TXK: variants seen among roughly 807,000 people sequenced by gnomAD.
TXK encodes TXK tyrosine kinase, also known as tyrosine-protein kinase TXK.
TXK carries 60 observed loss-of-function variants against 81.0 expected under a neutral mutation model. That is an observed-to-expected ratio of 0.74 (90% CI 0.60 to 0.92). The LOEUF is 0.92. Among genes scored for constraint, TXK ranks in the 40% least tolerant of loss-of-function variants. TXK has a pLI of 0.00. For missense variants in TXK, 581 were observed against 638.3 expected, an observed-to-expected ratio of 0.91 and a Z score of 0.97; for synonymous variants, 203 against 210.7, an observed-to-expected ratio of 0.96 and a Z score of 0.32.
intron 6 of TXK, among the ~76,000 whole-genome samples, chr4:48,102,232 G>GC (rs1415873712): frequency 6.6e-6 from 1 of 152,130 alleles, no homozygotes; most frequent in African/African-American, 2.4e-5. Flanking sequence ...ACCCGCCTCG[G>GC]CCTCCCGAAG....
At chr4:48,113,180 C>T in intron 3 of TXK, 27 bp downstream of exon 3, 4 of 1,559,114 alleles carry the variant, frequency 2.6e-6, no homozygotes, top group Non-Finnish European at 3.5e-6. Flanking sequence ...TCTCCATTCC[C>T]CTCTTGCCTG....
chr4:48,096,859 A>G (rs1197465161), intron 6 of TXK, among the ~76,000 whole-genome samples: 1 of 152,212 alleles, frequency 6.6e-6, no homozygotes, highest in Non-Finnish European at 1.5e-5. Flanking sequence ...AGCTCAAAGA[A>G]ATTCAAATAA....
Position 48,114,331 on chromosome 4 carries a change from C to T in TXK, c.71+17G>A. ...ATTAATTAATTTTCAAGAAATTGCC[C>T]TCGGAAGTAGACTTACCGCTTCTGC... On this transcript the variant is annotated intron_variant, in intron 2 of 14. Transcript: ENST00000264316. 6.2e-7 allele frequency: 1 copy of T among 1,613,514 alleles called. No homozygotes were observed. Among genetic ancestry groups the T allele is most frequent in the Non-Finnish European group, 8.5e-7 (1 of 1,179,606 alleles).
At chr4:48,132,193 C>A (rs548108486) in intron 1 of TXK, among the ~76,000 whole-genome samples, 1 of 152,166 alleles carries the variant, frequency 6.6e-6, no homozygotes, top group East Asian at 1.9e-4. Context: ...TTTAGCTGGT[C>A]TTTGATTGCT....
intron 1 of TXK, among the ~76,000 whole-genome samples, chr4:48,125,758 G>C (rs1198516219): frequency 6.6e-6 from 1 of 152,236 alleles, no homozygotes; most frequent in Non-Finnish European, 1.5e-5. Context: ...TAAGGAACTG[G>C]CTCAGGCAGT....
At chr4:48,122,908 CCTTGGGAGT>C (rs908962576) in intron 1 of TXK, among the ~76,000 whole-genome samples, 1 of 152,146 alleles carries the variant, frequency 6.6e-6, no homozygotes, top group Admixed American at 6.5e-5. Context: ...GAAGATAAGA[CCTTGGGAGT>C]CTATGTAGTA....
chr4:48,106,495 G>C (rs1304045299), intron 5 of TXK, among the ~76,000 whole-genome samples: 1 of 151,986 alleles, frequency 6.6e-6, no homozygotes, highest in Non-Finnish European at 1.5e-5. Context: ...AGGAGTTAGG[G>C]ACAGGAATCC....
Position 48,094,183 on chromosome 4 carries a change from T to G in TXK, c.603A>C (p.Lys201Asn). 6.2e-7 allele frequency: 1 copy of G among 1,613,734 alleles called. No homozygotes were observed. The highest frequency in any genetic ancestry group is 1.1e-5 in the South Asian group (1 of 91,056). ...GARRSTEAAI[K>N]HYQIKKNDSG... is the part of the protein sequence containing the mutation. The stretch of plus-strand genomic sequence containing the variant: ...AGTCATTCTTTTTTATCTGATAATG[T>G]TTTATGGCAGCCTCCGTACTTCTAC... Residue 201 changes from lysine (K) to asparagine (N), a missense_variant, in exon 8 of 15, where the codon AAA (lysine) becomes AAC (asparagine). Lys to Asn is a moderately conservative substitution (Grantham distance 94). Transcript: ENST00000264316.
intron 1 of TXK, among the ~76,000 whole-genome samples, chr4:48,126,974 A>G (rs1719104339): frequency 6.6e-6 from 1 of 152,170 alleles, no homozygotes; most frequent in Non-Finnish European, 1.5e-5. Context: ...AGGAGAAAAT[A>G]TTTTCAAAAA....
chr4:48,079,250 T>C (rs1405396586), intron 11 of TXK, among the ~76,000 whole-genome samples: 1 of 152,238 alleles, frequency 6.6e-6, no homozygotes, highest in Non-Finnish European at 1.5e-5. Flanking sequence ...GGGACTAGAC[T>C]TCCTTTGTAG....
intron 6 of TXK, among the ~76,000 whole-genome samples, chr4:48,096,651 C>T (rs1375100326): frequency 1.3e-5 from 2 of 152,172 alleles, no homozygotes. Flanking sequence ...GCCTCAGCCT[C>T]CCCAGTAGCT....
chr4:48,109,721 T>G lies in TXK; in HGVS notation c.446+817A>C, dbSNP rs560095168. Among the ~76,000 whole-genome samples, 4 of 152,324 alleles carry G rather than the reference T, an allele frequency of 2.6e-5. 1 individual carries two copies. The South Asian group carries it at 8.3e-4, about 32-fold the overall frequency. On this transcript the variant is annotated intron_variant, in intron 5 of 14. Coordinates refer to ENST00000264316, the MANE Select transcript of TXK (RefSeq NM_003328.3). Reference sequence around the variant, plus strand: ...GAATTCGAATTTGTTTTAGGAGAGATGTACTGAGTTAGGCCTCCAGGTGGG... The same window carrying G: ...GAATTCGAATTTGTTTTAGGAGAGAGGTACTGAGTTAGGCCTCCAGGTGGG...
At chr4:48,118,145 A>G (rs1175319923) in intron 1 of TXK, among the ~76,000 whole-genome samples, 1 of 152,158 alleles carries the variant, frequency 6.6e-6, no homozygotes, top group African/African-American at 2.4e-5. Context: ...GTCTCAGACT[A>G]TCTCTTTTCC....
intron 11 of TXK, among the ~76,000 whole-genome samples, chr4:48,077,231 TAATC>T (rs1225267629): frequency 6.6e-6 from 1 of 151,440 alleles, no homozygotes; most frequent in Non-Finnish European, 1.5e-5. Flanking sequence ...TTCAGCAACT[TAATC>T]AAGAAAATCA....
chr4:48,081,299 T>A (rs1326154969), intron 10 of TXK, among the ~76,000 whole-genome samples: 2 of 152,128 alleles, frequency 1.3e-5, no homozygotes, highest in Non-Finnish European at 2.9e-5. Flanking sequence ...GTTACTGCAT[T>A]TCCTTATCAA....
intron 1 of TXK, among the ~76,000 whole-genome samples, chr4:48,132,826 G>A (rs1237136516): frequency 2.0e-5 from 3 of 151,862 alleles, no homozygotes; most frequent in African/African-American, 7.3e-5. Context: ...TGCGCCTGTA[G>A]TCCCAGCTAC....
Position 48,095,179 on chromosome 4 carries a change from C to A in TXK, c.545G>T (p.Gly182Val). ...CATAAATACGGAAATTGTGTAGGAT[C>A]CTAAATGTCTTGAATCTCTGACAAT... ...AFIVRDSRHLGSYTISVFMGA... is the reference protein window; with the variant it reads ...AFIVRDSRHLVSYTISVFMGA... The change falls in exon 7 of 15, where the codon GGA (glycine) becomes GTA (valine). Residue 182 changes from glycine to valine, a missense_variant. Coordinates refer to ENST00000264316, the MANE Select transcript of TXK (RefSeq NM_003328.3). 6.2e-7 allele frequency: 1 copy of A among 1,613,696 alleles called. No homozygotes were observed. Among genetic ancestry groups the A allele is most frequent in the South Asian group, 1.1e-5 (1 of 91,056 alleles).
At chr4:48,088,115 C>G (rs2109423267) in intron 9 of TXK, among the ~76,000 whole-genome samples, 1 of 152,128 alleles carries the variant, frequency 6.6e-6, no homozygotes, top group East Asian at 1.9e-4. Context: ...TAATGAGATA[C>G]TACGACACAC....
At chr4:48,109,100 T>C (rs760947002) in intron 5 of TXK, among the ~76,000 whole-genome samples, 12 of 152,164 alleles carry the variant, frequency 7.9e-5, no homozygotes, top group Non-Finnish European at 1.6e-4. Flanking sequence ...GCAAGAGGCC[T>C]GTTTTTGTTG....
Sources: gnomAD v4.1 joint callset for allele counts (sites outside exome capture counted in the v4.1 genomes callset) on GRCh38, gnomAD v4.1.1 for gene constraint, MANE v1.5 for transcripts, NCBI Gene and HGNC (gene_info 2026-07-23, HGNC 2026-07-21) for gene names.